SPIDR: variants seen among roughly 807,000 people sequenced by gnomAD.
SPIDR encodes DNA repair-scaffolding protein.
Under a neutral mutation model 104.6 loss-of-function variants are expected in SPIDR, and 93 were observed. The ratio of observed to expected loss-of-function variants is 0.89; its 90% CI spans 0.75 to 1.06. The LOEUF (loss-of-function observed/expected upper bound fraction) is 1.06, where lower values mean the gene tolerates loss of function less well. Ranked by LOEUF, SPIDR falls within the 50% of genes least tolerant of loss-of-function variation. The pLI, the probability that SPIDR is intolerant of heterozygous loss-of-function variation, is 0.00. For synonymous variants in SPIDR, 431 were observed against 416.9 expected (o/e 1.03, Z -0.41); for missense variants, 1,154 against 1,111.2 (o/e 1.04, Z -0.55).
intron 19 of SPIDR, chr8:47,732,144 G>A: frequency 2.8e-6 from 2 of 702,622 alleles, no homozygotes; most frequent in South Asian, 3.0e-5. Context: ...CAGAGACCAG[G>A]AACCCTGGCA....
chr8:47,407,413 C>T (rs2062905164), intron 6 of SPIDR, among the ~76,000 whole-genome samples: 1 of 152,186 alleles, frequency 6.6e-6, no homozygotes, highest in Admixed American at 6.5e-5. Flanking sequence ...TTCTTTGCTC[C>T]TATGTGCTGA....
At chr8:47,703,841 G>T (rs1015922742) in intron 14 of SPIDR, among the ~76,000 whole-genome samples, 47 of 152,124 alleles carry the variant, frequency 3.1e-4, no homozygotes, top group African/African-American at 8.5e-4. Context: ...CTGGTGTCCC[G>T]TAGGTTGTAC....
At chr8:47,295,463 C>T (rs1172063323) in intron 5 of SPIDR, among the ~76,000 whole-genome samples, 2 of 152,172 alleles carry the variant, frequency 1.3e-5, no homozygotes, top group Admixed American at 1.3e-4. Context: ...TCTCCATCCA[C>T]TTTTCTCTCC....
intron 10 of SPIDR, among the ~76,000 whole-genome samples, chr8:47,634,915 G>T (rs1253196362): frequency 6.6e-6 from 1 of 152,180 alleles, no homozygotes; most frequent in Non-Finnish European, 1.5e-5. Context: ...GATTTCACCA[G>T]TGCATCTCAT....
At chr8:47,607,083 G>T (rs1053888105) in intron 10 of SPIDR, among the ~76,000 whole-genome samples, 2 of 152,166 alleles carry the variant, frequency 1.3e-5, no homozygotes, top group Non-Finnish European at 2.9e-5. Flanking sequence ...GGTGGTTGTT[G>T]TCACTCATAC....
At chr8:47,461,607 G>A (rs1191391714) in intron 8 of SPIDR, among the ~76,000 whole-genome samples, 1 of 152,082 alleles carries the variant, frequency 6.6e-6, no homozygotes, top group Non-Finnish European at 1.5e-5. Context: ...ACTGCGCCCA[G>A]CCTGTTTGTT....
chr8:47,403,272 G>A (rs938486542), intron 6 of SPIDR, among the ~76,000 whole-genome samples: 1 of 152,180 alleles, frequency 6.6e-6, no homozygotes, highest in South Asian at 2.1e-4. Context: ...AAAACTGGAA[G>A]CATTTCCTTT....
rs1285248081 is a variant in SPIDR at position 47,389,842 on chromosome 8, G to C, written c.526-6534G>C. Among the ~76,000 whole-genome samples the C allele has an allele frequency of 3.9e-5, 6 of 152,196 alleles. No individual in the cohort carries two copies. The East Asian group carries it at 1.2e-3, about 29-fold the overall frequency. On this transcript the variant is annotated intron_variant, in intron 5 of 19. Coordinates refer to ENST00000297423, the MANE Select transcript of SPIDR (RefSeq NM_001080394.4). ...TAAGGTACTGGGAAAGATGTCAGTG[G>C]TGTATACCGGGTCTTTCTTCTGTCA... is the stretch of plus-strand genomic sequence containing the variant.
intron 14 of SPIDR, among the ~76,000 whole-genome samples, chr8:47,710,857 G>A (rs908699535): frequency 1.3e-5 from 2 of 151,836 alleles, no homozygotes; most frequent in Admixed American, 6.6e-5. Context: ...ACAGCTCACT[G>A]CAACATTGAC....
Position 47,508,915 on chromosome 8 carries a change from T to C in SPIDR, c.1097+68373T>C, listed in dbSNP as rs992114161. Among the ~76,000 whole-genome samples, 3 of 152,246 alleles carry C rather than the reference T, an allele frequency of 2.0e-5. No individual in the cohort carries two copies. The South Asian group carries it at 6.2e-4, about 32-fold the overall frequency. ...AGAAGAAAGACTTGTTACATGATTA[T>C]GTATTATGGAAGTGTCCTTCCATTT... On this transcript the variant is annotated intron_variant, in intron 8 of 19. Coordinates refer to ENST00000297423, the MANE Select transcript of SPIDR (RefSeq NM_001080394.4).
intron 5 of SPIDR, among the ~76,000 whole-genome samples, chr8:47,380,479 T>G (rs1049170011): frequency 4.6e-5 from 7 of 152,042 alleles, no homozygotes; most frequent in African/African-American, 1.4e-4. Context: ...CACTGCCGCC[T>G]TCTCCACCCT....
intron 5 of SPIDR, among the ~76,000 whole-genome samples, chr8:47,338,874 TG>T (rs1477323528): frequency 2.6e-5 from 4 of 152,054 alleles, no homozygotes; most frequent in Non-Finnish European, 1.5e-5. Flanking sequence ...CCAGCTGTTG[TG>T]GGGGGGTCAG....
chr8:47,463,356 G>A (rs1252353121), intron 8 of SPIDR, among the ~76,000 whole-genome samples: 9 of 149,822 alleles, frequency 6.0e-5, no homozygotes, highest in South Asian at 2.1e-4. Flanking sequence ...GCAAGACTCC[G>A]TCTCAAAAAA....
chr8:47,734,365 A>G (rs2085814281), intron 19 of SPIDR, among the ~76,000 whole-genome samples: 2 of 152,172 alleles, frequency 1.3e-5, no homozygotes, highest in African/African-American at 2.4e-5. Flanking sequence ...AAAGGCAGTG[A>G]GACTCACACC....
intron 11 of SPIDR, among the ~76,000 whole-genome samples, chr8:47,688,759 T>C (rs1368021933): frequency 6.6e-6 from 1 of 152,248 alleles, no homozygotes; most frequent in Non-Finnish European, 1.5e-5. Flanking sequence ...CTAAACTGTC[T>C]TCCAGGAGCG....
At chr8:47,403,541 A>G (rs2062231378) in intron 6 of SPIDR, among the ~76,000 whole-genome samples, 2 of 152,250 alleles carry the variant, frequency 1.3e-5, no homozygotes, top group Admixed American at 1.3e-4. Context: ...AAAAATCACA[A>G]GCATTCTTAT....
intron 5 of SPIDR, among the ~76,000 whole-genome samples, chr8:47,308,345 G>A (rs2043482601): frequency 6.6e-6 from 1 of 150,788 alleles, no homozygotes; most frequent in South Asian, 2.1e-4. Flanking sequence ...TTATAGGCAT[G>A]AGCTACCATG....
intron 8 of SPIDR, among the ~76,000 whole-genome samples, chr8:47,542,038 A>G (rs1473477647): frequency 6.6e-6 from 1 of 152,208 alleles, no homozygotes; most frequent in African/African-American, 2.4e-5. Flanking sequence ...AACCCCAGTC[A>G]AATCAGTTAA....
chr8:47,544,017 C>T (rs1179216474), intron 8 of SPIDR, among the ~76,000 whole-genome samples: 1 of 151,706 alleles, frequency 6.6e-6, no homozygotes, highest in African/African-American at 2.4e-5. Context: ...CATACTGAGG[C>T]GTAACCAACC....
Sources: gnomAD v4.1 joint callset for allele counts (sites outside exome capture counted in the v4.1 genomes callset) on GRCh38, gnomAD v4.1.1 for gene constraint, MANE v1.5 for transcripts, NCBI Gene and HGNC (gene_info 2026-07-23, HGNC 2026-07-21) for gene names.